DDX4: variants seen among roughly 807,000 people sequenced by gnomAD.
DDX4 encodes the protein probable ATP-dependent RNA helicase DDX4.
In DDX4, 25 loss-of-function variants were observed where a neutral mutation model predicts 100.0. That is an observed-to-expected ratio of 0.25 (90% CI 0.18 to 0.35). The LOEUF (loss-of-function observed/expected upper bound fraction) is 0.35, where lower values mean the gene tolerates loss of function less well. DDX4 is among the 10% of genes least tolerant of loss of function. The pLI is 1.00. For synonymous variants in DDX4, 259 were observed against 275.7 expected (o/e 0.94, Z 0.60); for missense variants, 635 against 882.4 (o/e 0.72, Z 3.55).
chr5:55,781,858 GAAAT>G, intron 9 of DDX4, 72 bp from the exon 10 acceptor site: 2 of 1,508,616 alleles, frequency 1.3e-6, no homozygotes, highest in South Asian at 2.3e-5. Flanking sequence ...TTGTTGAATA[GAAAT>G]AACAACATGG....
Position 55,763,160 on chromosome 5 carries a change from T to C in DDX4, c.206-15T>C. 1.3e-6 allele frequency: 2 copies of C among 1,570,120 alleles called. No individual in the cohort carries two copies. Among genetic ancestry groups the C allele is most frequent in the East Asian group, 4.5e-5 (2 of 44,500 alleles). ...TTTTATATGTTAAAGAGTTTAACTGTCCACCCTTTTTCAGATGCTGGTGAG... is the reference window on the plus strand; with the variant it reads ...TTTTATATGTTAAAGAGTTTAACTGCCCACCCTTTTTCAGATGCTGGTGAG... On this transcript the variant is annotated splice_polypyrimidine_tract_variant and intron_variant, in intron 4 of 21. Transcript: ENST00000505374.
chr5:55,768,753 T>C (rs544893486), intron 7 of DDX4, among the ~76,000 whole-genome samples: 42 of 152,320 alleles, frequency 2.8e-4, no homozygotes, highest in African/African-American at 9.6e-4. Flanking sequence ...CAGCAGTGTA[T>C]AGGCATTCCC....
At chr5:55,755,132 T>A (rs2111717203) in intron 3 of DDX4, among the ~76,000 whole-genome samples, 1 of 152,306 alleles carries the variant, frequency 6.6e-6, no homozygotes, top group Middle Eastern at 3.4e-3. Flanking sequence ...TGATGTGTGA[T>A]GCAAATTTCA....
chr5:55,782,016 A>G (rs1438831934), intron 10 of DDX4, 35 bp downstream of exon 10: 2 of 1,610,784 alleles, frequency 1.2e-6, no homozygotes, highest in Admixed American at 1.7e-5. Context: ...AAAGAAGTTA[A>G]AATCATTGTA....
intron 6 of DDX4, among the ~76,000 whole-genome samples, chr5:55,764,917 A>G (rs2111827928): frequency 6.6e-6 from 1 of 152,348 alleles, no homozygotes; most frequent in South Asian, 2.1e-4. Context: ...TCTTCATTAA[A>G]TATTTGAAGC....
chr5:55,802,546 A>G (rs1743387645), intron 18 of DDX4, among the ~76,000 whole-genome samples: 1 of 152,206 alleles, frequency 6.6e-6, no homozygotes, highest in Non-Finnish European at 1.5e-5. Flanking sequence ...TAGAAGGACT[A>G]GTCCTGGAAA....
intron 18 of DDX4, among the ~76,000 whole-genome samples, chr5:55,805,754 A>T (rs896819228): frequency 6.6e-6 from 1 of 152,212 alleles, no homozygotes; most frequent in African/African-American, 2.4e-5. Flanking sequence ...TTTTGCATCA[A>T]TGTTCATCAG....
chr5:55,765,413 A>AAATATATATATATAT (rs1392558099), intron 6 of DDX4, among the ~76,000 whole-genome samples: 3 of 83,012 alleles, frequency 3.6e-5, no homozygotes, highest in Admixed American at 1.7e-4. Flanking sequence ...AAAAAAAAAA[A>AAATATATATATATAT]ATATATATAT....
At chr5:55,812,810 A>G (rs900359690) in intron 18 of DDX4, among the ~76,000 whole-genome samples, 6 of 151,872 alleles carry the variant, frequency 4.0e-5, no homozygotes, top group Non-Finnish European at 7.4e-5. Context: ...CCTTTTTAGT[A>G]CTAAATGCGT....
chr5:55,800,388 A>G (rs1051832571), intron 18 of DDX4, among the ~76,000 whole-genome samples: 5 of 151,448 alleles, frequency 3.3e-5, no homozygotes, highest in Non-Finnish European at 7.4e-5. Context: ...CAGTGGCACA[A>G]TCTCGGCTCA....
intron 1 of DDX4, 150 bp from the exon 2 acceptor site, chr5:55,738,800 A>G (rs1253557890): frequency 1.5e-6 from 1 of 645,334 alleles, no homozygotes; most frequent in Non-Finnish European, 2.7e-6. Flanking sequence ...ATAAGAAGAG[A>G]CCTAATTCCT....
chr5:55,816,399 T>TA, intron 21 of DDX4, 64 bp from the exon 22 acceptor site: 1 of 1,533,400 alleles, frequency 6.5e-7, no homozygotes, highest in African/African-American at 1.4e-5. Context: ...TGATGTAACT[T>TA]TAAAGCTGTC....
chr5:55,813,914 T>TAAA, intron 19 of DDX4, 142 bp downstream of exon 19: 1 of 1,051,258 alleles, frequency 9.5e-7, no homozygotes, highest in Non-Finnish European at 1.2e-6. Context: ...TTCTCCTTTA[T>TAAA]ATGAGGAAAA....
chr5:55,772,488 A>G (rs762109763), intron 7 of DDX4, among the ~76,000 whole-genome samples: 2 of 152,090 alleles, frequency 1.3e-5, no homozygotes, highest in Non-Finnish European at 2.9e-5. Flanking sequence ...ATAGGTCCTG[A>G]TATCTGGCAT....
intron 2 of DDX4, among the ~76,000 whole-genome samples, chr5:55,739,447 T>A (rs550339740): frequency 2.0e-5 from 3 of 152,344 alleles, no homozygotes; most frequent in African/African-American, 4.8e-5. Flanking sequence ...CTAGGCTGAT[T>A]GAGTTGGTAA....
At chr5:55,777,571 A>G (rs1331470058) in intron 7 of DDX4, 1 of 152,278 alleles carries the variant, frequency 6.6e-6, no homozygotes, top group Non-Finnish European at 1.5e-5. Context: ...GCCTAGGAAT[A>G]CTAGGTGCTG....
At chr5:55,806,975 C>T (rs1286935666) in intron 18 of DDX4, among the ~76,000 whole-genome samples, 1 of 152,168 alleles carries the variant, frequency 6.6e-6, no homozygotes, top group Non-Finnish European at 1.5e-5. Flanking sequence ...TTGTAGGTCT[C>T]TAAGGACTTG....
chr5:55,810,399 CT>C (rs1744056417), intron 18 of DDX4, among the ~76,000 whole-genome samples: 1 of 152,150 alleles, frequency 6.6e-6, no homozygotes, highest in Non-Finnish European at 1.5e-5. Context: ...GCCACCATGC[CT>C]AGCCATGTTT....
intron 18 of DDX4, among the ~76,000 whole-genome samples, chr5:55,804,906 C>A (rs1743591692): frequency 1.3e-5 from 2 of 151,810 alleles, no homozygotes; most frequent in South Asian, 4.2e-4. Context: ...CTGTAAATTA[C>A]CTTGGGCAGT....
Sources: allele counts gnomAD v4.1 joint callset (sites outside exome capture counted in the v4.1 genomes callset), GRCh38; gene constraint gnomAD v4.1.1; transcripts MANE v1.5; gene names NCBI Gene and HGNC (gene_info 2026-07-23, HGNC 2026-07-21).